The following VPS4B variants were observed in gnomAD, a reference collection of about 807,000 sequenced individuals.
VPS4B encodes vacuolar protein sorting 4 homolog B.
VPS4B carries 23 observed loss-of-function variants against 56.1 expected under a neutral mutation model. The ratio of observed to expected loss-of-function variants is 0.41; its 90% CI spans 0.30 to 0.58. The LOEUF (loss-of-function observed/expected upper bound fraction) is 0.58. Ranked by LOEUF, VPS4B falls within the 20% of genes least tolerant of loss-of-function variation. The pLI, the probability that VPS4B is intolerant of heterozygous loss-of-function variation, is 0.29. For synonymous variants in VPS4B, 177 were observed against 186.0 expected (o/e 0.95, Z 0.39); for missense variants, 372 against 531.9 (o/e 0.70, Z 2.96).
intron 4 of VPS4B, among the ~76,000 whole-genome samples, chr18:63,405,828 A>AAACAAACAAAC (rs1568087393): frequency 1.2e-4 from 18 of 149,202 alleles, no homozygotes; most frequent in African/African-American, 4.3e-4. Context: ...AACAAACAAA[A>AAACAAACAAAC]AAAAAAACTT....
chr18:63,391,941 G>T (rs1279299115), intron 10 of VPS4B, among the ~76,000 whole-genome samples: 1 of 152,098 alleles, frequency 6.6e-6, no homozygotes, highest in Admixed American at 6.5e-5. Flanking sequence ...GAAAAATAAT[G>T]AAAAGGACCA....
At chr18:63,410,498 A>G (rs1275983510) in intron 2 of VPS4B, 52 bp from the exon 3 acceptor site, 1 of 1,578,760 alleles carries the variant, frequency 6.3e-7, no homozygotes, top group Non-Finnish European at 8.5e-7. Flanking sequence ...CTATGTAGAA[A>G]GGTTTGAACT....
At chr18:63,393,676 A>C (rs1915606567) in intron 9 of VPS4B, 127 bp from the exon 10 acceptor site, 1 of 1,040,408 alleles carries the variant, frequency 9.6e-7, no homozygotes, top group Non-Finnish European at 1.3e-6. Context: ...ACTTTTGGAA[A>C]AAAAATTAAG....
At position 63,400,449 on chromosome 18, in the gene VPS4B, T is replaced by C; in HGVS notation, c.641+98A>G. Reference sequence around the variant, plus strand: ...GAAGTGAGTACCTGTATTACATGACTTCTCTGAATATCTATAAGTGATGTA... The same window carrying C: ...GAAGTGAGTACCTGTATTACATGACCTCTCTGAATATCTATAAGTGATGTA... On this transcript the variant is annotated intron_variant, in intron 6 of 10. Transcript: ENST00000238497. The C allele has an allele frequency of 3.8e-6, 5 of 1,326,624 alleles. No individual in the cohort carries two copies. In the South Asian group the frequency reaches 6.0e-5, roughly 16 times the overall value. The allele number at this position is 1,326,624 out of a possible 1,614,324, so 82.2% of individuals were successfully genotyped here.
In VPS4B at chr18:63,390,924, A is replaced by T. The variant is rs1915534194; in HGVS notation, c.*51T>A. The T allele has an allele frequency of 1.5e-6, 2 of 1,309,778 alleles. No homozygotes were observed. The highest frequency in any genetic ancestry group is 1.9e-5 in the Admixed American group (1 of 53,370). 81.1% of individuals were successfully genotyped at this position (1,309,778 alleles called of 1,614,324 possible). ...ATTAATGCGATCCAAATAGACAAAA[A>T]TATCTATGAAAGAAAGAATACATAT... On this transcript the variant is annotated 3_prime_UTR_variant, in exon 11 of 11. Transcript: ENST00000238497.
intron 5 of VPS4B, 110 bp downstream of exon 5, chr18:63,403,597 C>A (rs1263513849): frequency 2.5e-6 from 3 of 1,193,994 alleles, no homozygotes; most frequent in Non-Finnish European, 3.4e-6. Flanking sequence ...TTTTAACAGT[C>A]ACAATTTATT....
intron 9 of VPS4B, 161 bp downstream of exon 9, chr18:63,396,873 C>T: frequency 1.6e-6 from 1 of 637,802 alleles, no homozygotes; most frequent in Non-Finnish European, 2.7e-6. Context: ...GCCTGTAATT[C>T]CAGCTACTCA....
At chr18:63,421,640 C>T (rs1203824715) in intron 1 of VPS4B, among the ~76,000 whole-genome samples, 1 of 152,172 alleles carries the variant, frequency 6.6e-6, no homozygotes, top group African/African-American at 2.4e-5. Flanking sequence ...ACACTGTGCT[C>T]ATTGCGGTAG....
intron 6 of VPS4B, 129 bp downstream of exon 6, chr18:63,400,418 G>T: frequency 8.7e-7 from 1 of 1,154,244 alleles, no homozygotes; most frequent in Non-Finnish European, 1.2e-6. Context: ...AGACTGATTT[G>T]ACAGAGAAGT....
At chr18:63,416,031 C>T in intron 1 of VPS4B, 1 of 207,278 alleles carries the variant, frequency 4.8e-6, no homozygotes. Context: ...TCTCTTAAAT[C>T]AAGGTTGGCA....
chr18:63,407,975 G>A (rs867308539), intron 3 of VPS4B, among the ~76,000 whole-genome samples: 12 of 152,154 alleles, frequency 7.9e-5, no homozygotes, highest in South Asian at 2.1e-4. Flanking sequence ...GACAGAGGAA[G>A]CTTCCTGATG....
rs756092907 is a variant in VPS4B, at chr18:63,397,115, T to G, written c.1011A>C (p.Ser337=). The change falls in exon 9 of 11, where the codon TCA becomes TCC. Residue 337 remains serine (S), a synonymous_variant. Coordinates refer to ENST00000238497, the MANE Select transcript of VPS4B (RefSeq NM_004869.4). The stretch of plus-strand genomic sequence containing the variant: ...GTACAATGATACTTATATCTGCCCC[T>G]GAATAACCATCTGTTTTCCTCCCAA... ...RELGRKTDGY[S]GADISIIVRD... 2 of 1,614,208 alleles carry G rather than the reference T, an allele frequency of 1.2e-6. No homozygotes were observed. Among genetic ancestry groups the G allele is most frequent in the Non-Finnish European group, 1.7e-6 (2 of 1,180,040 alleles).
At chr18:63,398,613 G>A (rs1915736959) in intron 8 of VPS4B, among the ~76,000 whole-genome samples, 2 of 151,978 alleles carry the variant, frequency 1.3e-5, no homozygotes, top group Admixed American at 6.6e-5. Context: ...TGAGGCGGGT[G>A]GATCATGAGG....
Position 63,422,301 on chromosome 18 carries a change from G to A in VPS4B, c.-42C>T. The A allele has an allele frequency of 6.8e-7, 1 of 1,477,456 alleles. No homozygotes were observed. The highest frequency in any genetic ancestry group is 9.0e-7 in the Non-Finnish European group (1 of 1,111,752). 91.5% of individuals were successfully genotyped at this position (1,477,456 alleles called of 1,614,324 possible). On this transcript the variant is annotated 5_prime_UTR_variant, in exon 1 of 11. Transcript: ENST00000238497. ...GGTTCCCAAGGGAACGAGGGGCGAG[G>A]AGAGCCAACAGCAGCAACGTCGAAG...
At chr18:63,418,761 C>T (rs967556646) in intron 1 of VPS4B, among the ~76,000 whole-genome samples, 9 of 152,164 alleles carry the variant, frequency 5.9e-5, no homozygotes, top group African/African-American at 2.2e-4. Context: ...TTAACTGTCG[C>T]TAATCCATAG....
chr18:63,400,038 G>GT lies in VPS4B; in HGVS notation c.790+9dup, dbSNP rs761312411. On this transcript the variant is annotated intron_variant, in intron 7 of 10. Transcript: ENST00000238497. Reference sequence around the variant, plus strand: ...CGTCTCAAAAAGAAAAAAAAAATTAGTAACACTACCTTGCATTTGCACTAG... The same window carrying GT: ...CGTCTCAAAAAGAAAAAAAAAATTAGTTAACACTACCTTGCATTTGCACTAG... The GT allele has an allele frequency of 1.3e-5, 21 of 1,589,764 alleles. No individual in the cohort carries two copies. Among genetic ancestry groups the GT allele is most frequent in the Middle Eastern group, 1.7e-4 (1 of 5,918 alleles).
rs185878963 is a variant in VPS4B at position 63,389,262 on chromosome 18, C to A, written c.*1713G>T. On this transcript the variant is annotated 3_prime_UTR_variant, in exon 11 of 11. Coordinates refer to ENST00000238497, the MANE Select transcript of VPS4B (RefSeq NM_004869.4). ...AATTTAGGTAATATTTTCTTTTACA[C>A]AGAAGGTCCCAAAATAAAGAATAAT... 1.3e-5 allele frequency: 2 copies of A among 152,178 alleles called. No homozygotes were observed. The highest frequency in any genetic ancestry group is 1.3e-4 in the Admixed American group (2 of 15,262). 9.4% of individuals were successfully genotyped at this position (152,178 alleles called of 1,614,324 possible).
rs547963789 is a variant in VPS4B at position 63,410,984 on chromosome 18, G to A, written c.139+483C>T. The stretch of plus-strand genomic sequence containing the variant: ...AACTTTGGCAACACGTGCAATAGAT[G>A]GGATGAGCCCCACATAGCTTACAGG... On this transcript the variant is annotated intron_variant, in intron 2 of 10. Coordinates refer to ENST00000238497, the MANE Select transcript of VPS4B (RefSeq NM_004869.4). Among the ~76,000 whole-genome samples the A allele has an allele frequency of 1.1e-4, 17 of 152,306 alleles. 1 individual carries two copies. In the South Asian group the frequency reaches 1.9e-3, roughly 17 times the overall value.
intron 4 of VPS4B, 81 bp downstream of exon 4, chr18:63,407,351 G>T: frequency 8.2e-7 from 1 of 1,217,382 alleles, no homozygotes; most frequent in Non-Finnish European, 1.2e-6. Flanking sequence ...TATAGAGGGA[G>T]AACAAAAACA....
Sources: allele counts gnomAD v4.1 joint callset (sites outside exome capture counted in the v4.1 genomes callset), GRCh38; gene constraint gnomAD v4.1.1; transcripts MANE v1.5; gene names NCBI Gene and HGNC (gene_info 2026-07-23, HGNC 2026-07-21).